VEPH1: variants seen among roughly 807,000 people sequenced by gnomAD.
VEPH1 encodes the protein ventricular zone expressed PH domain containing 1.
A neutral mutation model predicts 85.2 loss-of-function variants in VEPH1; 80 were observed. The ratio of observed to expected loss-of-function variants is 0.94; its 90% CI spans 0.78 to 1.13. The LOEUF (loss-of-function observed/expected upper bound fraction) is 1.13. Ranked by LOEUF, VEPH1 falls within the 50% of genes most tolerant of loss-of-function variation. The pLI is 0.00. For synonymous variants in VEPH1, 297 were observed against 348.0 expected, an observed-to-expected ratio of 0.85 and a Z score of 1.63; for missense variants, 955 against 980.5, an observed-to-expected ratio of 0.97 and a Z score of 0.35.
chr3:157,264,503 G>T (rs1713346585), intron 13 of VEPH1, among the ~76,000 whole-genome samples: 1 of 152,136 alleles, frequency 6.6e-6, no homozygotes, highest in Non-Finnish European at 1.5e-5. Context: ...GGTGAGTACA[G>T]TTTACCACTG....
intron 13 of VEPH1, among the ~76,000 whole-genome samples, chr3:157,262,718 G>C (rs1713075385): frequency 6.6e-6 from 1 of 152,126 alleles, no homozygotes; most frequent in South Asian, 2.1e-4. Flanking sequence ...AGAAATTACA[G>C]TCCGGGCAAA....
rs1043394012 is a variant in VEPH1, at chr3:157,495,491, T to A, written c.-142A>T. The A allele has an allele frequency of 6.7e-7, 1 of 1,490,066 alleles. No individual in the cohort carries two copies. Among genetic ancestry groups the A allele is most frequent in the Non-Finnish European group, 8.9e-7 (1 of 1,123,814 alleles). 92.3% of individuals were successfully genotyped at this position (1,490,066 alleles called of 1,614,324 possible). On this transcript the variant is annotated 5_prime_UTR_variant, in exon 2 of 14. Coordinates refer to ENST00000362010, the MANE Select transcript of VEPH1 (RefSeq NM_001167912.2). The stretch of plus-strand genomic sequence containing the variant: ...GGTCATTTTTCTCCAGACTTTGAGG[T>A]CTTCATTGACACTCTCTGCAAGGGA...
At chr3:157,343,570 G>C (rs1279587997) in intron 9 of VEPH1, among the ~76,000 whole-genome samples, 1 of 152,084 alleles carries the variant, frequency 6.6e-6, no homozygotes, top group South Asian at 2.1e-4. Context: ...AGGACCAGAC[G>C]GATTCACAGC....
At chr3:157,343,987 T>TG (rs1319559331) in intron 9 of VEPH1, among the ~76,000 whole-genome samples, 1 of 152,134 alleles carries the variant, frequency 6.6e-6, no homozygotes, top group Non-Finnish European at 1.5e-5. Flanking sequence ...GCCCTTCATG[T>TG]GAAAAACTCT....
At chr3:157,400,991 A>G (rs778062159) in intron 6 of VEPH1, among the ~76,000 whole-genome samples, 23 of 152,178 alleles carry the variant, frequency 1.5e-4, no homozygotes, top group Admixed American at 7.9e-4. Context: ...ATGACCTCTC[A>G]CTGATAATCC....
chr3:157,434,445 G>A (rs997745808), intron 4 of VEPH1, among the ~76,000 whole-genome samples: 1 of 152,082 alleles, frequency 6.6e-6, no homozygotes, highest in Non-Finnish European at 1.5e-5. Flanking sequence ...CTGAGTAGCT[G>A]AGACTACAGG....
intron 7 of VEPH1, among the ~76,000 whole-genome samples, chr3:157,366,154 C>T (rs1335698925): frequency 2.6e-5 from 4 of 152,138 alleles, no homozygotes; most frequent in African/African-American, 9.7e-5. Flanking sequence ...AGCTGTATGC[C>T]ATGAACTCGG....
At chr3:157,440,893 C>T (rs1734066645) in intron 4 of VEPH1, among the ~76,000 whole-genome samples, 1 of 152,064 alleles carries the variant, frequency 6.6e-6, no homozygotes, top group South Asian at 2.1e-4. Flanking sequence ...CAACCAGGCC[C>T]CTTGAAAGAA....
chr3:157,387,763 A>G (rs1447396914), intron 6 of VEPH1, among the ~76,000 whole-genome samples: 1 of 152,180 alleles, frequency 6.6e-6, no homozygotes, highest in Non-Finnish European at 1.5e-5. Flanking sequence ...AACTATTCTA[A>G]TGCCACGTAA....
At chr3:157,328,561 A>T (rs773720439) in intron 9 of VEPH1, among the ~76,000 whole-genome samples, 1 of 152,196 alleles carries the variant, frequency 6.6e-6, no homozygotes, top group Non-Finnish European at 1.5e-5. Flanking sequence ...GGGACAGGGC[A>T]CAAGTAGAAG....
chr3:157,502,942 G>A (rs1345148789), intron 1 of VEPH1, among the ~76,000 whole-genome samples: 1 of 152,184 alleles, frequency 6.6e-6, no homozygotes, highest in Non-Finnish European at 1.5e-5. Flanking sequence ...GTAAACAAAA[G>A]TATAAAATAG....
intron 11 of VEPH1, among the ~76,000 whole-genome samples, chr3:157,294,995 C>G (rs2108424188): frequency 6.6e-6 from 1 of 152,198 alleles, no homozygotes; most frequent in Middle Eastern, 3.4e-3. Flanking sequence ...AAGTAAGAAC[C>G]CAGACCCCTT....
intron 9 of VEPH1, among the ~76,000 whole-genome samples, chr3:157,319,461 G>A (rs1438406859): frequency 1.3e-5 from 2 of 151,934 alleles, no homozygotes; most frequent in African/African-American, 4.8e-5. Context: ...TTTTTAAGTT[G>A]GCACATATGC....
intron 5 of VEPH1, among the ~76,000 whole-genome samples, chr3:157,422,871 C>T (rs979545495): frequency 2.0e-5 from 3 of 152,142 alleles, no homozygotes; most frequent in African/African-American, 7.2e-5. Flanking sequence ...CTTCCATATG[C>T]AATCCACAAT....
intron 6 of VEPH1, among the ~76,000 whole-genome samples, chr3:157,384,243 A>G (rs1729066469): frequency 6.6e-6 from 1 of 152,204 alleles, no homozygotes; most frequent in Non-Finnish European, 1.5e-5. Flanking sequence ...CGACATTTGA[A>G]TTTGGCAAGG....
At position 157,360,791 on chromosome 3, in the gene VEPH1, G is replaced by A. The variant is rs574434902; in HGVS notation, c.1735+2573C>T. 1.2e-3 allele frequency among the ~76,000 whole-genome samples: 188 copies of A among 152,170 alleles called. 1 individual carries two copies. Among genetic ancestry groups the A allele is most frequent in the African/African-American group, 3.9e-3 (161 of 41,520 alleles). On this transcript the variant is annotated intron_variant, in intron 9 of 13. Coordinates refer to ENST00000362010, the MANE Select transcript of VEPH1 (RefSeq NM_001167912.2). ...TACTGAATGTATATGGCTTTTGCAC[G>A]ATTGTACAGTCAAAAAATCATAAGC...
chr3:157,484,566 C>G (rs980596201), intron 2 of VEPH1, among the ~76,000 whole-genome samples: 1 of 152,162 alleles, frequency 6.6e-6, no homozygotes, highest in Non-Finnish European at 1.5e-5. Flanking sequence ...ATATTAGGTA[C>G]TTTAAGCAAG....
chr3:157,457,128 G>C (rs1263069107), intron 4 of VEPH1, among the ~76,000 whole-genome samples: 1 of 151,608 alleles, frequency 6.6e-6, no homozygotes, highest in Non-Finnish European at 1.5e-5. Context: ...TTATTTGTAT[G>C]TGTGTGTGGC....
At chr3:157,449,253 T>C (rs192161358) in intron 4 of VEPH1, among the ~76,000 whole-genome samples, 1 of 152,354 alleles carries the variant, frequency 6.6e-6, no homozygotes, top group Admixed American at 6.5e-5. Context: ...TATTAATAGA[T>C]ACCTTTTATC....
Sources: allele counts gnomAD v4.1 joint callset (sites outside exome capture counted in the v4.1 genomes callset), GRCh38; gene constraint gnomAD v4.1.1; transcripts MANE v1.5; gene names NCBI Gene and HGNC (gene_info 2026-07-23, HGNC 2026-07-21).